The following XAB2 variants were observed in gnomAD, a reference collection of about 807,000 sequenced individuals.
The protein encoded by XAB2 is XPA binding protein 2, also known as pre-mRNA-splicing factor SYF1.
Under a neutral mutation model 113.4 loss-of-function variants are expected in XAB2, and 57 were observed. The observed-to-expected ratio is 0.50, with a 90% CI of 0.41 to 0.63. The LOEUF (loss-of-function observed/expected upper bound fraction) is 0.63, where lower values mean the gene tolerates loss of function less well. Among genes scored for constraint, XAB2 ranks in the 20% least tolerant of loss-of-function variants. The pLI, the probability that XAB2 is intolerant of heterozygous loss-of-function variation, is 0.00. For missense variants in XAB2, 1,037 were observed against 1,233.3 expected (o/e 0.84, Z 2.38); for synonymous variants, 497 against 498.8 (o/e 1.00, Z 0.05).
Position 7,623,247 on chromosome 19 carries a change from A to C in XAB2, c.1162T>G (p.Phe388Val), listed in dbSNP as rs770127782. 6.2e-7 allele frequency: 1 copy of C among 1,613,848 alleles called. No individual in the cohort carries two copies. The highest frequency in any genetic ancestry group is 8.5e-7 in the Non-Finnish European group (1 of 1,180,036). Residue 388 changes from phenylalanine (F) to valine (V), a missense_variant, in exon 9 of 19, where the codon TTC (phenylalanine) becomes GTC (valine). Transcript: ENST00000358368. The surrounding 1 kb of genome is among the most constrained non-coding windows in gnomAD (Gnocchi z 4.6). ...YTEAVQTVDP[F>V]KATGKPHTLW... ...GTGTGGGGCTTGCCTGTGGCCTTGAAGGGGTCCACCGTCTGCACAGCCTCT... is the reference window on the plus strand; with the variant it reads ...GTGTGGGGCTTGCCTGTGGCCTTGACGGGGTCCACCGTCTGCACAGCCTCT...
Position 7,620,934 on chromosome 19 carries a change from T to C in XAB2, c.1883A>G (p.Gln628Arg). The change falls in exon 14 of 19, where the codon CAG becomes CGG. Residue 628 changes from glutamine (Q) to arginine (R), a missense_variant. Transcript: ENST00000358368. Reference sequence around the variant, plus strand: ...GATGTAGATGTTGAACATGTCATACTGCTGGGCGGGCTCCACGGCCCTGGT... The same window carrying C: ...GATGTAGATGTTGAACATGTCATACCGCTGGGCGGGCTCCACGGCCCTGGT... Reference protein sequence around the residue: ...RATRAVEPAQQYDMFNIYIKR... With the variant: ...RATRAVEPAQRYDMFNIYIKR... 1 of 1,596,040 alleles carries C rather than the reference T, an allele frequency of 6.3e-7. No individual in the cohort carries two copies. Among genetic ancestry groups the C allele is most frequent in the East Asian group, 2.3e-5 (1 of 44,174 alleles).
At position 7,623,402 on chromosome 19, in the gene XAB2, G is replaced by A; in HGVS notation, c.1120-113C>T. 4 of 1,417,122 alleles carry A rather than the reference G, an allele frequency of 2.8e-6. No individual in the cohort carries two copies. In the South Asian group the frequency reaches 3.7e-5, roughly 13 times the overall value. 87.8% of individuals were successfully genotyped at this position (1,417,122 alleles called of 1,614,324 possible). On this transcript the variant is annotated intron_variant, in intron 8 of 18. Coordinates refer to ENST00000358368, the MANE Select transcript of XAB2 (RefSeq NM_020196.3). This position sits in a 1 kb window ranked among gnomAD's most constrained non-coding sequence, Gnocchi z 4.6. ...TGGAGGGTGCTGTGGCCCCTGTCGG[G>A]AGAGGCCAGAAACGAACTATGGCCC...
rs1304711482 is a variant in XAB2 at position 7,619,565 on chromosome 19, G to A, written c.*21C>T. The A allele has an allele frequency of 3.2e-6, 3 of 934,654 alleles. No individual in the cohort carries two copies. Among genetic ancestry groups the A allele is most frequent in the Non-Finnish European group, 4.4e-6 (3 of 677,534 alleles). 57.9% of individuals were successfully genotyped at this position (934,654 alleles called of 1,614,324 possible). On this transcript the variant is annotated 3_prime_UTR_variant, in exon 19 of 19. Transcript: ENST00000358368. ...GCTGTATTGGGGAGGGGGTGGGGAG[G>A]GGGGATGGGGGAGGGACGGGTCAGT...
In XAB2 at chr19:7,625,909, A is replaced by G. The variant is rs202178945; in HGVS notation, c.793T>C (p.Tyr265His). The change falls in exon 6 of 19, where the codon TAC (tyrosine) becomes CAC (histidine). Residue 265 changes from tyrosine to histidine, a missense_variant. Tyr to His is a moderately conservative substitution (Grantham distance 83). Transcript: ENST00000358368. The surrounding 1 kb of genome is among the most constrained non-coding windows in gnomAD (Gnocchi z 5.2). ...TCGAAATGGCCGCTGCGGATGTAGTAGTCGGCGAGAGAACACCAGAGCTTG... is the reference window on the plus strand; with the variant it reads ...TCGAAATGGCCGCTGCGGATGTAGTGGTCGGCGAGAGAACACCAGAGCTTG... ...LGKLWCSLAD[Y>H]YIRSGHFEKA... 6.2e-7 allele frequency: 1 copy of G among 1,612,282 alleles called. No individual in the cohort carries two copies. Among genetic ancestry groups the G allele is most frequent in the South Asian group, 1.1e-5 (1 of 90,930 alleles).
chr19:7,621,391 C>G, intron 12 of XAB2, 94 bp from the exon 13 acceptor site: 1 of 1,454,536 alleles, frequency 6.9e-7, no homozygotes, highest in Non-Finnish European at 9.4e-7. Context: ...GGGAGCCTGC[C>G]AGGAACTCCC....
chr19:7,626,168 A>G lies in XAB2; in HGVS notation c.625T>C (p.Phe209Leu). 3.1e-6 allele frequency: 5 copies of G among 1,613,612 alleles called. No individual in the cohort carries two copies. The highest frequency in any genetic ancestry group is 4.2e-6 in the Non-Finnish European group (5 of 1,179,958). The change falls in exon 5 of 19, where the codon TTC (phenylalanine) becomes CTC (leucine). Residue 209 changes from phenylalanine to leucine, a missense_variant. Transcript: ENST00000358368. Reference sequence around the variant, plus strand: ...TTGGACTTGCCGGCCTTAGACACGAAACGCTCGTCGTTCACCACGGTGGCC... The same window carrying G: ...TTGGACTTGCCGGCCTTAGACACGAGACGCTCGTCGTTCACCACGGTGGCC... ...RLATVVNDER[F>L]VSKAGKSNYQ...
In XAB2 at chr19:7,619,842, C is replaced by T. The variant is rs1163947449; in HGVS notation, c.2411G>A (p.Arg804Gln). ...CTGTGCCAGCTCTGCCAGCTCCTCC[C>T]GGGAGGCGTCACTCCTAGGGACGGG... ...KILFVRSDASREELAELAQQV... is the reference protein window; with the variant it reads ...KILFVRSDASQEELAELAQQV... The change falls in exon 18 of 19, where the codon CGG becomes CAG. Residue 804 changes from arginine to glutamine, a missense_variant. Arg to Gln is a conservative substitution (Grantham distance 43, BLOSUM62 1). Transcript: ENST00000358368. The T allele has an allele frequency of 3.0e-5, 48 of 1,612,556 alleles. No individual in the cohort carries two copies. The highest frequency in any genetic ancestry group is 5.5e-5 in the South Asian group (5 of 91,090).
rs745479132 is a variant in XAB2, at chr19:7,628,172, C to A, written c.178G>T (p.Ala60Ser). 3.1e-6 allele frequency: 5 copies of A among 1,613,596 alleles called. 1 individual carries two copies. In the South Asian group the frequency reaches 5.5e-5, roughly 18 times the overall value. Reference protein sequence around the residue: ...KPRLNQLYERALKLLPCSYKL... With the variant: ...KPRLNQLYERSLKLLPCSYKL... The stretch of plus-strand genomic sequence containing the variant: ...CACCTGCAGGGCAGCAGCTTGAGTG[C>A]CCGCTCGTATAGCTGATTGAGCCTG... Residue 60 changes from alanine (A) to serine (S), a missense_variant, in exon 2 of 19, where the codon GCA (alanine) becomes TCA (serine). By Grantham distance (99) the Ala-to-Ser change is moderately conservative (BLOSUM62 1). Coordinates refer to ENST00000358368, the MANE Select transcript of XAB2 (RefSeq NM_020196.3). This position sits in a 1 kb window ranked among gnomAD's most constrained non-coding sequence, Gnocchi z 4.6.
At position 7,620,644 on chromosome 19, in the gene XAB2, TCA is replaced by T. The variant is rs1271919532; in HGVS notation, c.1995_1996del (p.Glu666AspfsTer16). 1 of 1,612,924 alleles carries T rather than the reference TCA, an allele frequency of 6.2e-7. No individual in the cohort carries two copies. ...CATGTCTGCAAACCGCAGGCACATC[TCA>T]CGCGCGTGCTCGTCCGACAGCACCT... is the stretch of plus-strand genomic sequence containing the variant. On this transcript the variant is annotated frameshift_variant, in exon 15 of 19. Coordinates refer to ENST00000358368, the MANE Select transcript of XAB2 (RefSeq NM_020196.3). LOFTEE classifies it high-confidence loss of function.
rs1423865553 is a variant in XAB2 at position 7,622,563 on chromosome 19, G to A, written c.1470C>T (p.Leu490=). 5.0e-6 allele frequency: 8 copies of A among 1,613,590 alleles called. No homozygotes were observed. Among genetic ancestry groups the A allele is most frequent in the South Asian group, 1.1e-5 (1 of 91,078 alleles). ...VYKSLKVWSM[L]ADLEESLGTF... ...TGCCGAGGCTCTCCTCCAGGTCGGC[G>A]AGCATGGACCAGACCTTCAGTGACT... The change falls in exon 11 of 19, where the codon CTC becomes CTT. Residue 490 remains leucine, a synonymous_variant. Transcript: ENST00000358368.
Position 7,622,536 on chromosome 19 carries a change from G to C in XAB2, c.1497C>G (p.Thr499=), listed in dbSNP as rs1293546260. ...CCAGCCACAGGCAGCTCACCTGGAAGGTGCCGAGGCTCTCCTCCAGGTCGG... is the reference window on the plus strand; with the variant it reads ...CCAGCCACAGGCAGCTCACCTGGAACGTGCCGAGGCTCTCCTCCAGGTCGG... ...MLADLEESLG[T]FQSTKAVYDR... is the part of the protein sequence containing the mutation. The change falls in exon 11 of 19, where the codon ACC becomes ACG. Residue 499 remains threonine (T), a synonymous_variant. Transcript: ENST00000358368. The C allele has an allele frequency of 1.2e-6, 2 of 1,613,872 alleles. No homozygotes were observed. The highest frequency in any genetic ancestry group is 2.2e-5 in the South Asian group (2 of 91,088).
Position 7,628,063 on chromosome 19 carries a change from GGGA to G in XAB2, c.200+84_200+86del. 1 of 1,527,216 alleles carries G rather than the reference GGGA, an allele frequency of 6.5e-7. No homozygotes were observed. The allele number at this position is 1,527,216 out of a possible 1,614,324, so 94.6% of individuals were successfully genotyped here. A position where few individuals can be genotyped will look rare whatever the true frequency, so the allele number is the denominator to read the frequency against. On this transcript the variant is annotated intron_variant, in intron 2 of 18. Coordinates refer to ENST00000358368, the MANE Select transcript of XAB2 (RefSeq NM_020196.3). This position sits in a 1 kb window ranked among gnomAD's most constrained non-coding sequence, Gnocchi z 4.6. ...GTGATGAAACACGAAGCAATCACCC[GGGA>G]CCCGGGACCCACTTGGCAGTTTTGT...
Position 7,625,973 on chromosome 19 carries a change from G to A in XAB2, c.729C>T (p.Ile243=). 1 of 1,613,874 alleles carries A rather than the reference G, an allele frequency of 6.2e-7. No homozygotes were observed. Among genetic ancestry groups the A allele is most frequent in the Non-Finnish European group, 8.5e-7 (1 of 1,179,916 alleles). Residue 243 remains isoleucine, a synonymous_variant, in exon 6 of 19, where the codon ATC becomes ATT. Coordinates refer to ENST00000358368, the MANE Select transcript of XAB2 (RefSeq NM_020196.3). This position sits in a 1 kb window ranked among gnomAD's most constrained non-coding sequence, Gnocchi z 5.2. ...TGAAGCGGGTGAGGCCCCCGCGGATGATGGCGTCCACATTGAGGGACTGTA... is the reference window on the plus strand; with the variant it reads ...TGAAGCGGGTGAGGCCCCCGCGGATAATGGCGTCCACATTGAGGGACTGTA... ...DKVQSLNVDA[I]IRGGLTRFTD...
In XAB2 at chr19:7,624,151, G is replaced by C; in HGVS notation, c.967+150C>G. On this transcript the variant is annotated intron_variant, in intron 7 of 18. Transcript: ENST00000358368. The surrounding 1 kb of genome is among the most constrained non-coding windows in gnomAD (Gnocchi z 4.2). ...GTGTCCCCATTCCTGGCTCCTTCAA[G>C]ACCCCCACACCCCCTGCATCCACTC... 1 of 1,328,878 alleles carries C rather than the reference G, an allele frequency of 7.5e-7. No individual in the cohort carries two copies. The highest frequency in any genetic ancestry group is 1.0e-6 in the Non-Finnish European group (1 of 970,878). The allele number at this position is 1,328,878 out of a possible 1,614,324, so 82.3% of individuals were successfully genotyped here.
chr19:7,628,043 G>A lies in XAB2; in HGVS notation c.200+107C>T. ...ATCAAGGGATGTACAGGTCAGTGAT[G>A]AAACACGAAGCAATCACCCGGGACC... On this transcript the variant is annotated intron_variant, in intron 2 of 18. Transcript: ENST00000358368. The surrounding 1 kb of genome is among the most constrained non-coding windows in gnomAD (Gnocchi z 4.6). The A allele has an allele frequency of 4.7e-6, 7 of 1,490,634 alleles. No homozygotes were observed. The highest frequency in any genetic ancestry group is 1.3e-5 in the South Asian group (1 of 79,380). 92.3% of individuals were successfully genotyped at this position (1,490,634 alleles called of 1,614,324 possible).
chr19:7,623,415 C>G lies in XAB2; in HGVS notation c.1120-126G>C, dbSNP rs763160431. ...GGCCCCTGTCGGGAGAGGCCAGAAACGAACTATGGCCCTTGACAATGGTCA... is the reference window on the plus strand; with the variant it reads ...GGCCCCTGTCGGGAGAGGCCAGAAAGGAACTATGGCCCTTGACAATGGTCA... On this transcript the variant is annotated intron_variant, in intron 8 of 18. Transcript: ENST00000358368. The surrounding 1 kb of genome is among the most constrained non-coding windows in gnomAD (Gnocchi z 4.6). 7.8e-7 allele frequency: 1 copy of G among 1,277,404 alleles called. No homozygotes were observed. The highest frequency in any genetic ancestry group is 1.1e-6 in the Non-Finnish European group (1 of 922,932). 79.1% of individuals were successfully genotyped at this position (1,277,404 alleles called of 1,614,324 possible). A position where few individuals can be genotyped will look rare whatever the true frequency, so the allele number is the denominator to read the frequency against.
At position 7,625,218 on chromosome 19, in the gene XAB2, GCCCTCACACCACGTACCT is replaced by G. The variant is rs2031113688; in HGVS notation, c.822+644_822+661del. On this transcript the variant is annotated intron_variant, in intron 6 of 18. Coordinates refer to ENST00000358368, the MANE Select transcript of XAB2 (RefSeq NM_020196.3). The surrounding 1 kb of genome is among the most constrained non-coding windows in gnomAD (Gnocchi z 5.2). ...CAGTCAGCTAACCCCTGAGGGAGTG[GCCCTCACACCACGTACCT>G]CCTCAGTGCTGTGCCTGCGTCACTG... 6.6e-6 allele frequency among the ~76,000 whole-genome samples: 1 copy of G among 152,232 alleles called. No homozygotes were observed. The highest frequency in any genetic ancestry group is 6.5e-5 in the Admixed American group (1 of 15,286).
At position 7,623,735 on chromosome 19, in the gene XAB2, C is replaced by T. The variant is rs774879250; in HGVS notation, c.1115G>A (p.Arg372Gln). Residue 372 changes from arginine to glutamine, a missense_variant, in exon 8 of 19, where the codon CGG (arginine) becomes CAG (glutamine). By Grantham distance (43) the Arg-to-Gln change is conservative. Transcript: ENST00000358368. The surrounding 1 kb of genome is among the most constrained non-coding windows in gnomAD (Gnocchi z 4.6). ...ACTGGGGCAGGCTTCATGTACCTCC[C>T]GGGGGCGGCCCTGGTGCAGGGCGAC... ...KRVALHQGRP[R>Q]EIINTYTEAV... 11 of 1,599,284 alleles carry T rather than the reference C, an allele frequency of 6.9e-6. No individual in the cohort carries two copies. The highest frequency in any genetic ancestry group is 2.2e-5 in the East Asian group (1 of 44,812).
rs140344688 is a variant in XAB2 at position 7,619,974 on chromosome 19, G to A, written c.2368C>T (p.Arg790Cys). The change falls in exon 17 of 19, where the codon CGC becomes TGC. Residue 790 changes from arginine to cysteine, a missense_variant. By Grantham distance (180) the Arg-to-Cys change is radical. Transcript: ENST00000358368. The part of the protein sequence containing the change: ...AAEAERDQPL[R>C]AQSKILFVRS... ...ACGAACAGGATCTTGCTCTGGGCGC[G>A]CAAGGGCTGGTCACGCTCCGCCTCA... 17 of 1,611,780 alleles carry A rather than the reference G, an allele frequency of 1.1e-5. No homozygotes were observed. Among genetic ancestry groups the A allele is most frequent in the East Asian group, 4.5e-5 (2 of 44,894 alleles).
Sources: allele counts gnomAD v4.1 joint callset (sites outside exome capture counted in the v4.1 genomes callset), GRCh38; gene constraint gnomAD v4.1.1; non-coding constraint Gnocchi (gnomAD v3.1); transcripts MANE v1.5; gene names NCBI Gene and HGNC (gene_info 2026-07-23, HGNC 2026-07-21).